The following ADAMTS10 variants were observed in gnomAD, a reference collection of about 807,000 sequenced individuals.
ADAMTS10 encodes ADAM metallopeptidase with thrombospondin type 1 motif 10.
A neutral mutation model predicts 135.9 loss-of-function variants in ADAMTS10; 48 were observed. The ratio of observed to expected loss-of-function variants is 0.35; its 90% CI spans 0.28 to 0.45. ADAMTS10 has a LOEUF of 0.45. Ranked by LOEUF, ADAMTS10 falls within the 20% of genes least tolerant of loss-of-function variation. The probability of loss-of-function intolerance (pLI) is 1.00; values close to 1 mark genes in which losing one functional copy is unlikely to be tolerated. For synonymous variants in ADAMTS10, 621 were observed against 647.5 expected, an observed-to-expected ratio of 0.96 and a Z score of 0.62; for missense variants, 1,131 against 1,565.2, an observed-to-expected ratio of 0.72 and a Z score of 4.68.
rs2042598148 is a variant in ADAMTS10, at chr19:8,595,920, G to T, written c.1338-17C>A. On this transcript the variant is annotated splice_polypyrimidine_tract_variant and intron_variant, in intron 11 of 25. Coordinates refer to ENST00000597188, the MANE Select transcript of ADAMTS10 (RefSeq NM_030957.4). ...AGGCCCGAGCTGCCTCGAGAGAAAA[G>T]CAACTGTCATGCTAGGTGGCTGCAA... The T allele has an allele frequency of 2.5e-6, 4 of 1,614,170 alleles. No homozygotes were observed. The East Asian group carries it at 8.9e-5, about 36-fold the overall frequency.
intron 25 of ADAMTS10, among the ~76,000 whole-genome samples, chr19:8,584,457 A>C (rs1329703092): frequency 1.3e-5 from 2 of 151,796 alleles, no homozygotes; most frequent in African/African-American, 4.8e-5. Context: ...GACCAGCCTG[A>C]GTAACACAGC....
intron 25 of ADAMTS10, among the ~76,000 whole-genome samples, chr19:8,583,717 A>G (rs1381245066): frequency 6.6e-6 from 1 of 151,870 alleles, no homozygotes; most frequent in Non-Finnish European, 1.5e-5. Flanking sequence ...TTAACTGGGC[A>G]CTGTGGCTCT....
At chr19:8,606,203 G>T (rs1333355509) in intron 2 of ADAMTS10, among the ~76,000 whole-genome samples, 4 of 152,170 alleles carry the variant, frequency 2.6e-5, no homozygotes, top group Non-Finnish European at 5.9e-5. Flanking sequence ...TGAGATTGCA[G>T]GTGCAAGCCA....
chr19:8,598,238 A>G (rs184989373), intron 6 of ADAMTS10, among the ~76,000 whole-genome samples: 5 of 152,338 alleles, frequency 3.3e-5, no homozygotes, highest in Non-Finnish European at 7.3e-5. Context: ...TGGATTGCTT[A>G]CCAGAACATT....
At chr19:8,585,699 A>AG (rs781925765) in intron 22 of ADAMTS10, 39 bp from the exon 23 acceptor site, 12 of 1,596,938 alleles carry the variant, frequency 7.5e-6, no homozygotes, top group East Asian at 4.5e-5. Flanking sequence ...TAAGCAGGGC[A>AG]GGGGGTCCCA....
rs782191145 is a variant in ADAMTS10 at position 8,589,329 on chromosome 19, G to A, written c.2071C>T (p.Arg691Trp). Residue 691 changes from arginine (R) to tryptophan (W), a missense_variant, in exon 18 of 26, where the codon CGG (arginine) becomes TGG (tryptophan). Arg to Trp is a moderately radical substitution (Grantham distance 101). Around this residue, in one of 3 missense-constraint regions of ADAMTS10, gnomAD observed 745 missense variants for 1,056.3 expected, o/e 0.71. Transcript: ENST00000597188. Reference sequence around the variant, plus strand: ...CCACACACTCGGCACTTGTCCTCCCGCAGGTCGGAGCCCAGGACTCGGTCG... The same window carrying A: ...CCACACACTCGGCACTTGTCCTCCCACAGGTCGGAGCCCAGGACTCGGTCG... ...GCDRVLGSDL[R>W]EDKCRVCGGD... The A allele has an allele frequency of 1.9e-6, 3 of 1,612,320 alleles. No individual in the cohort carries two copies. The highest frequency in any genetic ancestry group is 1.7e-5 in the Admixed American group (1 of 60,022).
chr19:8,598,565 ATTTTTTTTTTTTTT>A (rs34389376), intron 6 of ADAMTS10, among the ~76,000 whole-genome samples: 2 of 70,760 alleles, frequency 2.8e-5, no homozygotes, highest in African/African-American at 5.8e-5. Flanking sequence ...AATCCCCAGA[ATTTTTTTTTTTTTT>A]TTTTTTTTTT....
intron 14 of ADAMTS10, 42 bp from the exon 15 acceptor site, chr19:8,591,905 C>T (rs782748501): frequency 1.9e-6 from 3 of 1,611,872 alleles, no homozygotes; most frequent in Admixed American, 3.3e-5. Flanking sequence ...AGGCAGTGGG[C>T]GATGGGGGCA....
chr19:8,589,983 G>A lies in ADAMTS10; in HGVS notation c.1806C>T (p.Pro602=), dbSNP rs1271081639. The A allele has an allele frequency of 7.4e-6, 12 of 1,613,128 alleles. No individual in the cohort carries two copies. In the African/African-American group the frequency reaches 1.3e-4, roughly 18 times the overall value. Residue 602 remains proline (P), a synonymous_variant, in exon 16 of 26, where the codon CCC becomes CCT. Coordinates refer to ENST00000597188, the MANE Select transcript of ADAMTS10 (RefSeq NM_030957.4). Reference sequence around the variant, plus strand: ...CTTCTCTGAAGTCCTGGGAGCCAGGGGGACAGTCCTGGGGGCAGGAGAGGA... The same window carrying A: ...CTTCTCTGAAGTCCTGGGAGCCAGGAGGACAGTCCTGGGGGCAGGAGAGGA... ...RHRSCNTDDC[P]PGSQDFREVQ...
intron 13 of ADAMTS10, among the ~76,000 whole-genome samples, chr19:8,592,418 G>A (rs1186824287): frequency 6.6e-6 from 1 of 152,130 alleles, no homozygotes; most frequent in East Asian, 1.9e-4. Flanking sequence ...AGTAGGCGTG[G>A]CCAGAGCCGA....
intron 7 of ADAMTS10, 32 bp downstream of exon 7, chr19:8,597,202 G>A (rs1555740479): frequency 6.2e-7 from 1 of 1,614,032 alleles, no homozygotes; most frequent in South Asian, 1.1e-5. Flanking sequence ...CTGGTATGAA[G>A]GGGAAGGGGA....
At chr19:8,604,433 A>G (rs1384637404) in intron 4 of ADAMTS10, among the ~76,000 whole-genome samples, 3 of 148,172 alleles carry the variant, frequency 2.0e-5, no homozygotes, top group African/African-American at 7.4e-5. Context: ...GTATACATAC[A>G]CATACACATA....
chr19:8,584,855 CA>C (rs782258526), intron 25 of ADAMTS10, 39 bp downstream of exon 25: 1 of 1,547,284 alleles, frequency 6.5e-7, no homozygotes, highest in South Asian at 1.2e-5. Context: ...TGCCTCTGGC[CA>C]GGACCCTCCT....
chr19:8,589,751 C>G (rs146593073), intron 16 of ADAMTS10, 138 bp downstream of exon 16: 46 of 1,405,704 alleles, frequency 3.3e-5, no homozygotes, highest in Non-Finnish European at 4.4e-5. Context: ...CCCATGGTAC[C>G]GTATCCCAGG....
chr19:8,600,638 A>G (rs2042656004), intron 6 of ADAMTS10, among the ~76,000 whole-genome samples: 1 of 151,448 alleles, frequency 6.6e-6, no homozygotes, highest in South Asian at 2.1e-4. Context: ...AGCTGGGACT[A>G]CAGGCGCCCG....
chr19:8,582,624 G>C (rs565023087), intron 25 of ADAMTS10: 2 of 152,014 alleles, frequency 1.3e-5, no homozygotes, highest in South Asian at 4.1e-4. Flanking sequence ...CTAGCGGCCA[G>C]TGATTTATGG....
At position 8,601,225 on chromosome 19, in the gene ADAMTS10, C is replaced by G; in HGVS notation, c.593-80G>C. 2.0e-6 allele frequency: 3 copies of G among 1,468,154 alleles called. No homozygotes were observed. Among genetic ancestry groups the G allele is most frequent in the Non-Finnish European group, 1.9e-6 (2 of 1,074,602 alleles). The allele number at this position is 1,468,154 out of a possible 1,614,324, so 90.9% of individuals were successfully genotyped here. Reference sequence around the variant, plus strand: ...GCCTGACAACTGTCTTGTCCAACCTCTGACTGGCTACCTCTCTACCCAACA... The same window carrying G: ...GCCTGACAACTGTCTTGTCCAACCTGTGACTGGCTACCTCTCTACCCAACA... On this transcript the variant is annotated intron_variant, in intron 5 of 25. Transcript: ENST00000597188. The surrounding 1 kb of genome is among the most constrained non-coding windows in gnomAD (Gnocchi z 4.6).
chr19:8,604,915 C>T lies in ADAMTS10; in HGVS notation c.435+97G>A, dbSNP rs1276621521. On this transcript the variant is annotated intron_variant, in intron 4 of 25. Coordinates refer to ENST00000597188, the MANE Select transcript of ADAMTS10 (RefSeq NM_030957.4). ...TGGCTCAAAACACTTAAAAAACATCCCACTATCATTCCTTCTCTGCCCTCT... is the reference window on the plus strand; with the variant it reads ...TGGCTCAAAACACTTAAAAAACATCTCACTATCATTCCTTCTCTGCCCTCT... 8.3e-6 allele frequency: 11 copies of T among 1,328,854 alleles called. No homozygotes were observed. The African/African-American group carries it at 1.2e-4, about 14-fold the overall frequency. The allele number at this position is 1,328,854 out of a possible 1,614,324, so 82.3% of individuals were successfully genotyped here.
chr19:8,608,931 G>A (rs1555743032), intron 1 of ADAMTS10, among the ~76,000 whole-genome samples: 1 of 151,192 alleles, frequency 6.6e-6, no homozygotes, highest in African/African-American at 2.4e-5. Context: ...GTCTGCAGAA[G>A]GCTCACAGGC....
Sources: gnomAD v4.1 joint callset for allele counts (sites outside exome capture counted in the v4.1 genomes callset) on GRCh38, gnomAD v4.1.1 for gene constraint, gnomAD v4.1.1 regional missense constraint, Gnocchi (gnomAD v3.1) non-coding constraint, MANE v1.5 for transcripts, NCBI Gene and HGNC (gene_info 2026-07-23, HGNC 2026-07-21) for gene names.